The following DPP4 variants were observed in gnomAD, a reference collection of about 807,000 sequenced individuals.
DPP4 encodes the protein dipeptidyl peptidase 4, also known as ADCP-2.
Under a neutral mutation model 122.4 loss-of-function variants are expected in DPP4, and 93 were observed. The ratio of observed to expected loss-of-function variants is 0.76; its 90% CI spans 0.64 to 0.90. DPP4 has a LOEUF of 0.90. DPP4 is among the 40% of genes least tolerant of loss of function. DPP4 has a pLI of 0.00. For missense variants in DPP4, 914 were observed against 907.3 expected (o/e 1.01, Z -0.09); for synonymous variants, 321 against 302.9 (o/e 1.06, Z -0.62).
At chr2:162,067,218 T>A (rs1684977588) in intron 2 of DPP4, among the ~76,000 whole-genome samples, 1 of 152,154 alleles carries the variant, frequency 6.6e-6, no homozygotes, top group Non-Finnish European at 1.5e-5. Context: ...CTTATGGACA[T>A]GAGTTTGAGC....
At chr2:162,045,471 G>A in intron 5 of DPP4, 61 bp downstream of exon 5, 1 of 1,281,414 alleles carries the variant, frequency 7.8e-7, no homozygotes. Flanking sequence ...CTTGAAATCG[G>A]TTATAACATA....
At chr2:162,026,710 T>C (rs775803169) in intron 10 of DPP4, among the ~76,000 whole-genome samples, 4 of 152,132 alleles carry the variant, frequency 2.6e-5, no homozygotes, top group Non-Finnish European at 5.9e-5. Context: ...AGACATCTCA[T>C]CCAGTCTGAC....
At chr2:161,998,166 G>A (rs896088923) in intron 23 of DPP4, among the ~76,000 whole-genome samples, 2 of 152,166 alleles carry the variant, frequency 1.3e-5, no homozygotes, top group African/African-American at 4.8e-5. Context: ...TGGGGCAATA[G>A]AACTCTGAGC....
intron 22 of DPP4, 117 bp downstream of exon 22, chr2:162,008,445 G>A: frequency 2.5e-6 from 2 of 814,052 alleles, no homozygotes; most frequent in Non-Finnish European, 4.1e-6. Flanking sequence ...GAACCTCTAA[G>A]ATGAATCAGC....
chr2:162,003,410 G>A (rs1453082895), intron 23 of DPP4, among the ~76,000 whole-genome samples: 1 of 152,168 alleles, frequency 6.6e-6, no homozygotes, highest in Non-Finnish European at 1.5e-5. Flanking sequence ...TCATTATATA[G>A]GGAGGGCTGG....
intron 9 of DPP4, among the ~76,000 whole-genome samples, 173 bp downstream of exon 9, chr2:162,034,991 C>T (rs1029158869): frequency 6.6e-6 from 1 of 152,092 alleles, no homozygotes; most frequent in Admixed American, 6.6e-5. Context: ...CACACTCTTT[C>T]CTGGGATAAT....
chr2:162,054,183 G>A (rs1052491241), intron 2 of DPP4, among the ~76,000 whole-genome samples: 2 of 152,114 alleles, frequency 1.3e-5, no homozygotes, highest in African/African-American at 2.4e-5. Context: ...CTTATTAACC[G>A]TTTCTTGCTA....
chr2:162,026,580 G>T (rs73007392), intron 10 of DPP4, among the ~76,000 whole-genome samples: 1 of 152,060 alleles, frequency 6.6e-6, no homozygotes, highest in Non-Finnish European at 1.5e-5. Context: ...CCTCATCCAC[G>T]ATGTCTTCTT....
chr2:162,045,390 ACT>A, intron 5 of DPP4, 140 bp downstream of exon 5: 1 of 636,540 alleles, frequency 1.6e-6, no homozygotes, highest in Non-Finnish European at 2.8e-6. Flanking sequence ...AATGAGAATG[ACT>A]CTGATTCTGA....
At chr2:161,995,718 C>T (rs544702387) in intron 23 of DPP4, among the ~76,000 whole-genome samples, 2 of 152,174 alleles carry the variant, frequency 1.3e-5, no homozygotes, top group Non-Finnish European at 2.9e-5. Context: ...AATGTATGTT[C>T]CATGGGCTTC....
intron 2 of DPP4, among the ~76,000 whole-genome samples, chr2:162,048,934 G>A (rs1157385588): frequency 6.6e-6 from 1 of 152,162 alleles, no homozygotes; most frequent in African/African-American, 2.4e-5. Flanking sequence ...CACTCAAAGA[G>A]TTTTTATTGG....
At chr2:162,000,841 C>T (rs902657387) in intron 23 of DPP4, among the ~76,000 whole-genome samples, 2 of 152,176 alleles carry the variant, frequency 1.3e-5, no homozygotes, top group African/African-American at 2.4e-5. Flanking sequence ...TGATCTGATA[C>T]TTCTCTCTGT....
chr2:162,032,691 AAAC>A (rs201670443), intron 10 of DPP4, among the ~76,000 whole-genome samples: 17 of 150,496 alleles, frequency 1.1e-4, no homozygotes, highest in South Asian at 6.3e-4. Context: ...AAAAACAAAC[AAAC>A]AACAACAACA....
chr2:162,036,387 T>C (rs1280104978), intron 8 of DPP4, among the ~76,000 whole-genome samples: 2 of 152,202 alleles, frequency 1.3e-5, no homozygotes, highest in African/African-American at 2.4e-5. Flanking sequence ...TGACATTCAA[T>C]GAGTGCTAAC....
chr2:162,015,946 T>C (rs1056675104), intron 18 of DPP4, among the ~76,000 whole-genome samples: 2 of 152,188 alleles, frequency 1.3e-5, no homozygotes, highest in African/African-American at 2.4e-5. Context: ...GGACCTTCCT[T>C]GACCTGCTGG....
chr2:162,049,681 G>A (rs1684317281), intron 2 of DPP4, among the ~76,000 whole-genome samples: 1 of 152,140 alleles, frequency 6.6e-6, no homozygotes, highest in South Asian at 2.1e-4. Flanking sequence ...GAAGACTTCT[G>A]AGGTGGGCCA....
At chr2:162,031,039 G>A (rs1261273317) in intron 10 of DPP4, among the ~76,000 whole-genome samples, 1 of 152,234 alleles carries the variant, frequency 6.6e-6, no homozygotes, top group African/African-American at 2.4e-5. Context: ...GGGAATAAAT[G>A]AGACAGCAAG....
chr2:162,070,961 CTGTT>C (rs1685093804), intron 2 of DPP4, among the ~76,000 whole-genome samples: 1 of 152,180 alleles, frequency 6.6e-6, no homozygotes. Context: ...TTACCTCTCT[CTGTT>C]TAACCGGTTA....
chr2:162,074,201 G>T lies in DPP4; in HGVS notation c.-220C>A. ...GCAGGCGGCGCGGGAGCAGGCGCGC[G>T]TGGCGCGGGGCACTGGCATCCCGGC... On this transcript the variant is annotated 5_prime_UTR_variant, in exon 1 of 26. Coordinates refer to ENST00000360534, the MANE Select transcript of DPP4 (RefSeq NM_001935.4). 8.1e-7 allele frequency: 1 copy of T among 1,231,132 alleles called. No individual in the cohort carries two copies. The highest frequency in any genetic ancestry group is 1.6e-5 in the African/African-American group (1 of 63,798). 76.3% of individuals were successfully genotyped at this position (1,231,132 alleles called of 1,614,324 possible). A position where few individuals can be genotyped will look rare whatever the true frequency, so the allele number is the denominator to read the frequency against.
Sources: gnomAD v4.1 joint callset for allele counts (sites outside exome capture counted in the v4.1 genomes callset) on GRCh38, gnomAD v4.1.1 for gene constraint, MANE v1.5 for transcripts, NCBI Gene and HGNC (gene_info 2026-07-23, HGNC 2026-07-21) for gene names.